CYB5R4: variants seen among roughly 807,000 people sequenced by gnomAD.
CYB5R4 encodes the protein cytochrome b5 reductase 4.
Under a neutral mutation model 70.2 loss-of-function variants are expected in CYB5R4, and 55 were observed. The observed-to-expected ratio is 0.78, with a 90% confidence interval of 0.63 to 0.98. CYB5R4 has a LOEUF of 0.98. Among genes scored for constraint, CYB5R4 ranks in the 50% least tolerant of loss-of-function variants. CYB5R4 has a pLI of 0.00. For synonymous variants in CYB5R4, 197 were observed against 199.5 expected (o/e 0.99, Z 0.11); for missense variants, 562 against 612.6 (o/e 0.92, Z 0.87).
intron 2 of CYB5R4, among the ~76,000 whole-genome samples, chr6:83,893,140 C>G (rs749040776): frequency 5.3e-5 from 8 of 152,316 alleles, no homozygotes; most frequent in Non-Finnish European, 1.0e-4. Flanking sequence ...GCTCAGAGTT[C>G]CTCTTCTGTA....
chr6:83,957,579 G>A (rs1049022276), intron 15 of CYB5R4, among the ~76,000 whole-genome samples: 18 of 136,186 alleles, frequency 1.3e-4, no homozygotes, highest in East Asian at 2.1e-4. Flanking sequence ...CCAGGATCGC[G>A]CCATTGCACT....
intron 2 of CYB5R4, among the ~76,000 whole-genome samples, chr6:83,879,820 A>T (rs964537580): frequency 2.6e-5 from 4 of 152,166 alleles, no homozygotes; most frequent in Non-Finnish European, 4.4e-5. Flanking sequence ...AGGGATTCCA[A>T]ATTGGCTCTA....
intron 3 of CYB5R4, among the ~76,000 whole-genome samples, chr6:83,901,822 A>G (rs564308556): frequency 2.6e-5 from 4 of 151,440 alleles, no homozygotes; most frequent in South Asian, 2.1e-4. Context: ...CTCATCAACT[A>G]TTTGTCATCT....
At chr6:83,884,090 TCC>T (rs61761505) in intron 2 of CYB5R4, among the ~76,000 whole-genome samples, 1 of 151,966 alleles carries the variant, frequency 6.6e-6, no homozygotes, top group African/African-American at 2.4e-5. Flanking sequence ...TAGTAAAATC[TCC>T]CATATTAATA....
In CYB5R4 at chr6:83,962,330, C is replaced by G. The variant is rs758517202; in HGVS notation, c.*2452C>G. On this transcript the variant is annotated 3_prime_UTR_variant, in exon 16 of 16. Coordinates refer to ENST00000369681, the MANE Select transcript of CYB5R4 (RefSeq NM_016230.4). ...GGAGGAAAAAATCCCCTAAGTAGAG[C>G]CTCAGTCTTCCAATGAATGCAACCA... 2.0e-5 allele frequency: 3 copies of G among 152,106 alleles called. No individual in the cohort carries two copies. Among genetic ancestry groups the G allele is most frequent in the African/African-American group, 7.2e-5 (3 of 41,388 alleles). The allele number at this position is 152,106 out of a possible 1,614,324, so 9.4% of individuals were successfully genotyped here.
chr6:83,932,983 A>C (rs2099468395), intron 10 of CYB5R4, among the ~76,000 whole-genome samples: 1 of 152,200 alleles, frequency 6.6e-6, no homozygotes, highest in African/African-American at 2.4e-5. Flanking sequence ...CATAGAACAT[A>C]CTTTGACAGT....
chr6:83,922,421 A>C lies in CYB5R4; in HGVS notation c.659-17A>C. The C allele has an allele frequency of 2.5e-6, 4 of 1,605,262 alleles. No homozygotes were observed. In the African/African-American group the frequency reaches 5.4e-5, roughly 22 times the overall value. ...AATTGAAGTTCTATTTTAACTAAAT[A>C]AATTTGTCTGTCCTAGGGCTAAGCC... On this transcript the variant is annotated splice_polypyrimidine_tract_variant and intron_variant, in intron 8 of 15. Coordinates refer to ENST00000369681, the MANE Select transcript of CYB5R4 (RefSeq NM_016230.4).
Position 83,936,360 on chromosome 6 carries a change from T to C in CYB5R4, c.1092T>C (p.Leu364=), listed in dbSNP as rs747833369. The C allele has an allele frequency of 1.2e-6, 2 of 1,611,226 alleles. No homozygotes were observed. Among genetic ancestry groups the C allele is most frequent in the Admixed American group, 1.7e-5 (1 of 58,856 alleles). Residue 364 remains leucine (L), a synonymous_variant, in exon 12 of 16, where the codon CTT becomes CTC. Coordinates refer to ENST00000369681, the MANE Select transcript of CYB5R4 (RefSeq NM_016230.4). ...IYPTGLFTPE[L]DRLQIGDFVS... The stretch of plus-strand genomic sequence containing the variant: ...CCACTGGACTCTTCACACCAGAGCT[T>C]GATCGTCTTCAGATTGGTTAGTATT...
chr6:83,907,400 A>G (rs7746474), intron 3 of CYB5R4, among the ~76,000 whole-genome samples: 1 of 152,090 alleles, frequency 6.6e-6, no homozygotes, highest in Non-Finnish European at 1.5e-5. Flanking sequence ...CAAGAAAATA[A>G]CTGTTAAATA....
intron 5 of CYB5R4, among the ~76,000 whole-genome samples, chr6:83,916,446 T>C (rs1331657968): frequency 6.6e-6 from 1 of 152,206 alleles, no homozygotes; most frequent in Non-Finnish European, 1.5e-5. Flanking sequence ...AATCTTTCAG[T>C]GCTTCTTAAT....
intron 14 of CYB5R4, among the ~76,000 whole-genome samples, chr6:83,950,240 A>G (rs2099471312): frequency 6.6e-6 from 1 of 152,180 alleles, no homozygotes; most frequent in Admixed American, 6.5e-5. Context: ...ATTAAACTTG[A>G]CTGTTCTAGC....
At chr6:83,899,876 C>CAATTT (rs1192367810) in intron 3 of CYB5R4, among the ~76,000 whole-genome samples, 11 of 151,990 alleles carry the variant, frequency 7.2e-5, no homozygotes, top group Non-Finnish European at 1.3e-4. Flanking sequence ...AGTAGTCTTG[C>CAATTT]TAGGGGTCTA....
intron 14 of CYB5R4, among the ~76,000 whole-genome samples, chr6:83,950,236 C>T (rs1229902845): frequency 6.6e-6 from 1 of 152,078 alleles, no homozygotes; most frequent in East Asian, 1.9e-4. Context: ...TGTTATTAAA[C>T]TTGACTGTTC....
At chr6:83,926,186 A>T (rs1405045034) in intron 10 of CYB5R4, 1 of 152,182 alleles carries the variant, frequency 6.6e-6, no homozygotes, top group African/African-American at 2.4e-5. Context: ...GTGGCTTGTC[A>T]ACGGTTATAT....
chr6:83,897,149 G>A (rs1453970913), intron 3 of CYB5R4, among the ~76,000 whole-genome samples: 1 of 151,514 alleles, frequency 6.6e-6, no homozygotes, highest in Non-Finnish European at 1.5e-5. Context: ...CTATGAGTGA[G>A]AACATGCGGT....
chr6:83,928,346 G>A (rs958169050), intron 10 of CYB5R4, among the ~76,000 whole-genome samples: 3 of 152,148 alleles, frequency 2.0e-5, no homozygotes, highest in African/African-American at 7.2e-5. Context: ...ACTTTTATAA[G>A]GAAACAGGCC....
rs1292391203 is a variant in CYB5R4 at position 83,959,933 on chromosome 6, T to C, written c.*55T>C. 3 of 1,392,094 alleles carry C rather than the reference T, an allele frequency of 2.2e-6. No homozygotes were observed. The highest frequency in any genetic ancestry group is 2.9e-6 in the Non-Finnish European group (3 of 1,025,200). 86.2% of individuals were successfully genotyped at this position (1,392,094 alleles called of 1,614,324 possible). A position where few individuals can be genotyped will look rare whatever the true frequency, so the allele number is the denominator to read the frequency against. On this transcript the variant is annotated 3_prime_UTR_variant, in exon 16 of 16. Coordinates refer to ENST00000369681, the MANE Select transcript of CYB5R4 (RefSeq NM_016230.4). ...TAGTTTATCTAAATTTGTGATTGCT[T>C]AGGGTTTTTTAAGAGAACATTTTTG...
intron 10 of CYB5R4, among the ~76,000 whole-genome samples, chr6:83,932,972 GCATAGAA>G (rs1454022229): frequency 6.6e-6 from 1 of 152,128 alleles, no homozygotes; most frequent in African/African-American, 2.4e-5. Flanking sequence ...CCAAGATGTA[GCATAGAA>G]CATACTTTGA....
Position 83,966,994 on chromosome 6 carries a change from GGAAA to G in CYB5R4, c.*7121_*7124del, listed in dbSNP as rs1416365781. On this transcript the variant is annotated 3_prime_UTR_variant, in exon 16 of 16. Transcript: ENST00000369681. The stretch of plus-strand genomic sequence containing the variant: ...TAAACAAAAACTAATTACTTAAAAG[GGAAA>G]GAAAATTAGATCATCACCAGACTTT... 1 of 151,996 alleles carries G rather than the reference GGAAA, an allele frequency of 6.6e-6. No individual in the cohort carries two copies. Among genetic ancestry groups the G allele is most frequent in the African/African-American group, 2.4e-5 (1 of 41,366 alleles). The allele number at this position is 151,996 out of a possible 1,614,324, so 9.4% of individuals were successfully genotyped here.
Sources: gnomAD v4.1 joint callset for allele counts (sites outside exome capture counted in the v4.1 genomes callset) on GRCh38, gnomAD v4.1.1 for gene constraint, MANE v1.5 for transcripts, NCBI Gene and HGNC (gene_info 2026-07-23, HGNC 2026-07-21) for gene names.